TTBK1: variants seen among roughly 807,000 people sequenced by gnomAD.
TTBK1 encodes tau-tubulin kinase 1.
A neutral mutation model predicts 108.5 loss-of-function variants in TTBK1; 34 were observed. The observed-to-expected ratio is 0.31, with a 90% CI of 0.24 to 0.42. The LOEUF is 0.42. Among genes scored for constraint, TTBK1 ranks in the 10% least tolerant of loss-of-function variants. The pLI, the probability that TTBK1 is intolerant of heterozygous loss-of-function variation, is 1.00. For synonymous variants in TTBK1, 809 were observed against 795.1 expected, an observed-to-expected ratio of 1.02 and a Z score of -0.29; for missense variants, 1,539 against 1,826.0, an observed-to-expected ratio of 0.84 and a Z score of 2.86.
In TTBK1 at chr6:43,282,103, C is replaced by T. The variant is rs1778180456; in HGVS notation, c.1987-624C>T. 6.6e-6 allele frequency among the ~76,000 whole-genome samples: 1 copy of T among 152,184 alleles called. No individual in the cohort carries two copies. The highest frequency in any genetic ancestry group is 2.4e-5 in the African/African-American group (1 of 41,440). The stretch of plus-strand genomic sequence containing the variant: ...AGGATGGATTGGAGGTCGAGGGGCC[C>T]AGCCTGCACTTTTAAGGGTAGAGGA... On this transcript the variant is annotated intron_variant, in intron 13 of 14. Coordinates refer to ENST00000259750, the MANE Select transcript of TTBK1 (RefSeq NM_032538.3). This position sits in a 1 kb window ranked among gnomAD's most constrained non-coding sequence, Gnocchi z 5.4.
chr6:43,246,970 G>A (rs1219103024), intron 2 of TTBK1, among the ~76,000 whole-genome samples: 1 of 152,120 alleles, frequency 6.6e-6, no homozygotes, highest in Non-Finnish European at 1.5e-5. Context: ...CTCGAGCCCC[G>A]CCCTCTCTCA....
In TTBK1 at chr6:43,265,458, G is replaced by A. The variant is rs1169019611; in HGVS notation, c.1986+2108G>A. The stretch of plus-strand genomic sequence containing the variant: ...ACTGGGGGCTCAAAAAGTGGGGCCC[G>A]TGAGTCCTCACCCAGAGAGGCCCTA... On this transcript the variant is annotated intron_variant, in intron 13 of 14. Coordinates refer to ENST00000259750, the MANE Select transcript of TTBK1 (RefSeq NM_032538.3). The surrounding 1 kb of genome is among the most constrained non-coding windows in gnomAD (Gnocchi z 4.1). Among the ~76,000 whole-genome samples the A allele has an allele frequency of 1.3e-5, 2 of 152,206 alleles. No homozygotes were observed. The highest frequency in any genetic ancestry group is 6.5e-5 in the Admixed American group (1 of 15,292).
At chr6:43,267,892 G>T (rs1043867931) in intron 13 of TTBK1, among the ~76,000 whole-genome samples, 1 of 152,194 alleles carries the variant, frequency 6.6e-6, no homozygotes, top group Non-Finnish European at 1.5e-5. Flanking sequence ...TAGGGGCTGG[G>T]GGACAAAGAT....
rs2841657 is a variant in TTBK1 at position 43,257,468 on chromosome 6, G to C, written c.862-344G>C. 0.045 allele frequency among the ~76,000 whole-genome samples: 6,877 copies of C among 152,150 alleles called. 188 individuals are homozygous for C. Among genetic ancestry groups the C allele is most frequent in the African/African-American group, 0.083 (3,431 of 41,474 alleles). Reference sequence around the variant, plus strand: ...CAGCAGAGGGGCAGTCTGTGCAGAGGCAGCACCCCATGCATGGGTTTGGAA... The same window carrying C: ...CAGCAGAGGGGCAGTCTGTGCAGAGCCAGCACCCCATGCATGGGTTTGGAA... On this transcript the variant is annotated intron_variant, in intron 9 of 14. Transcript: ENST00000259750. The surrounding 1 kb of genome is among the most constrained non-coding windows in gnomAD (Gnocchi z 4.5).
Position 43,269,851 on chromosome 6 carries a change from C to T in TTBK1, c.1986+6501C>T. 1 of 1,534,160 alleles carries T rather than the reference C, an allele frequency of 6.5e-7. No individual in the cohort carries two copies. Among genetic ancestry groups the T allele is most frequent in the South Asian group, 1.2e-5 (1 of 84,004 alleles). On this transcript the variant is annotated intron_variant, in intron 13 of 14. Coordinates refer to ENST00000259750, the MANE Select transcript of TTBK1 (RefSeq NM_032538.3). This position sits in a 1 kb window ranked among gnomAD's most constrained non-coding sequence, Gnocchi z 4.8. ...GTGCGGGCGCCCCACCGGCGCCACG[C>T]GCCCCTCGCTGCTGGCAACCACAGA...
At position 43,270,679 on chromosome 6, in the gene TTBK1, G is replaced by A. The variant is rs551995977; in HGVS notation, c.1986+7329G>A. 124 of 985,458 alleles carry A rather than the reference G, an allele frequency of 1.3e-4. 2 individuals are homozygous for A. In the South Asian group the frequency reaches 5.4e-3, roughly 43 times the overall value. 61.0% of individuals were successfully genotyped at this position (985,458 alleles called of 1,614,324 possible). Reference sequence around the variant, plus strand: ...CACCTGTGCCATCACTCCCTGGTAGGATTGGGTGTCTGTCCTCGGCTCCTC... The same window carrying A: ...CACCTGTGCCATCACTCCCTGGTAGAATTGGGTGTCTGTCCTCGGCTCCTC... On this transcript the variant is annotated intron_variant, in intron 13 of 14. Coordinates refer to ENST00000259750, the MANE Select transcript of TTBK1 (RefSeq NM_032538.3).
intron 13 of TTBK1, chr6:43,270,812 T>A: frequency 1.0e-6 from 1 of 985,474 alleles, no homozygotes; most frequent in African/African-American, 1.7e-5. Context: ...AGGTGGTTGT[T>A]AAGGATGACG....
rs1290747886 is a variant in TTBK1 at position 43,284,274 on chromosome 6, T to C, written c.3534T>C (p.His1178=). Residue 1178 remains histidine, a synonymous_variant, in exon 14 of 15, where the codon CAT becomes CAC. Coordinates refer to ENST00000259750, the MANE Select transcript of TTBK1 (RefSeq NM_032538.3). ...CCCAGCAGCCCGCCAGCAGATCCCA[T>C]GGCGCGGCCCCAGCATTGGACACAG... The part of the protein sequence containing the change: ...VAAQQPASRS[H]GAAPALDTAI... 5 of 1,589,094 alleles carry C rather than the reference T, an allele frequency of 3.1e-6. No individual in the cohort carries two copies. The highest frequency in any genetic ancestry group is 4.3e-6 in the Non-Finnish European group (5 of 1,173,256).
chr6:43,268,515 C>T (rs1777740473), intron 13 of TTBK1, among the ~76,000 whole-genome samples: 1 of 152,216 alleles, frequency 6.6e-6, no homozygotes, highest in Non-Finnish European at 1.5e-5. Flanking sequence ...AGGCCCCCTC[C>T]TTCCTGGAGG....
In TTBK1 at chr6:43,263,167, G is replaced by C. The variant is rs746885674; in HGVS notation, c.1803G>C (p.Gln601His). Residue 601 changes from glutamine to histidine, a missense_variant, in exon 13 of 15, where the codon CAG becomes CAC. Physicochemically the swap from Gln to His is conservative, Grantham distance 24 (BLOSUM62 0). Transcript: ENST00000259750. The surrounding 1 kb of genome is among the most constrained non-coding windows in gnomAD (Gnocchi z 4.7). ...PTVRPRGRSM[Q>H]ALAEEDLQHL... ...TCCGGCCCCGGGGACGCAGCATGCA[G>C]GCGCTGGCGGAGGAGGACCTGCAGC... The C allele has an allele frequency of 3.2e-6, 5 of 1,574,906 alleles. No homozygotes were observed. Among genetic ancestry groups the C allele is most frequent in the Non-Finnish European group, 4.3e-6 (5 of 1,159,578 alleles).
chr6:43,280,748 A>C (rs1384596719), intron 13 of TTBK1, among the ~76,000 whole-genome samples: 1 of 152,204 alleles, frequency 6.6e-6, no homozygotes, highest in African/African-American at 2.4e-5. Context: ...AAAAGGGAGA[A>C]TAAGTAAATC....
rs1778179485 is a variant in TTBK1, at chr6:43,282,075, G to A, written c.1987-652G>A. Among the ~76,000 whole-genome samples, 1 of 152,252 alleles carries A rather than the reference G, an allele frequency of 6.6e-6. No individual in the cohort carries two copies. The highest frequency in any genetic ancestry group is 2.4e-5 in the African/African-American group (1 of 41,472). On this transcript the variant is annotated intron_variant, in intron 13 of 14. Coordinates refer to ENST00000259750, the MANE Select transcript of TTBK1 (RefSeq NM_032538.3). The surrounding 1 kb of genome is among the most constrained non-coding windows in gnomAD (Gnocchi z 5.4). ...TCGAGGGCTGGACAAATTCCTGGCT[G>A]AGAGGATGGATTGGAGGTCGAGGGG...
At position 43,283,134 on chromosome 6, in the gene TTBK1, C is replaced by T. The variant is rs1371068727; in HGVS notation, c.2394C>T (p.Asp798=). The part of the protein sequence containing the change: ...SSSEGSERST[D]RSQEGAPSTL... ...GTGAGGGGAGTGAGAGGAGCACTGA[C>T]CGGAGCCAGGAGGGTGCCCCGTCCA... is the stretch of plus-strand genomic sequence containing the variant. Residue 798 remains aspartate (D), a synonymous_variant, in exon 14 of 15, where the codon GAC becomes GAT. Transcript: ENST00000259750. This position sits in a 1 kb window ranked among gnomAD's most constrained non-coding sequence, Gnocchi z 8.1. 1.9e-6 allele frequency: 3 copies of T among 1,572,620 alleles called. No individual in the cohort carries two copies. In the South Asian group the frequency reaches 3.5e-5, roughly 18 times the overall value.
intron 2 of TTBK1, among the ~76,000 whole-genome samples, chr6:43,248,267 G>A (rs917934745): frequency 6.6e-6 from 1 of 152,144 alleles, no homozygotes; most frequent in Non-Finnish European, 1.5e-5. Flanking sequence ...CCCACCCCTG[G>A]AGTGTTAGAG....
Position 43,265,607 on chromosome 6 carries a change from T to A in TTBK1, c.1986+2257T>A, listed in dbSNP as rs957449084. 6.6e-6 allele frequency among the ~76,000 whole-genome samples: 1 copy of A among 152,112 alleles called. No individual in the cohort carries two copies. On this transcript the variant is annotated intron_variant, in intron 13 of 14. Transcript: ENST00000259750. The surrounding 1 kb of genome is among the most constrained non-coding windows in gnomAD (Gnocchi z 4.1). ...CCAGGCAGCAGGAGAGGGAGCAAAA[T>A]GTGTTTGGGGTCCTTGCTCCGCTCC... is the stretch of plus-strand genomic sequence containing the variant.
At position 43,269,763 on chromosome 6, in the gene TTBK1, G is replaced by T; in HGVS notation, c.1986+6413G>T. On this transcript the variant is annotated intron_variant, in intron 13 of 14. Coordinates refer to ENST00000259750, the MANE Select transcript of TTBK1 (RefSeq NM_032538.3). This position sits in a 1 kb window ranked among gnomAD's most constrained non-coding sequence, Gnocchi z 4.8. ...GGAGCATTACCCTCACCCCGGCGGC[G>T]GCGGCTCCTCGGGCTCCTCCGGTTC... 6.3e-7 allele frequency: 1 copy of T among 1,598,816 alleles called. No homozygotes were observed.
intron 2 of TTBK1, chr6:43,247,890 G>C (rs1299152581): frequency 2.0e-5 from 3 of 151,706 alleles, no homozygotes; most frequent in African/African-American, 7.3e-5. Context: ...GAGACTTCTA[G>C]GGGTCCCCAA....
rs1236268846 is a variant in TTBK1 at position 43,285,444 on chromosome 6, GAGC to G, written c.*72_*74del. Reference sequence around the variant, plus strand: ...CCCCCACCCGCAGCCGGCCACACTGGAGCAGCTCCCAGCACAGCCTTACGCGCC... The same window carrying G: ...CCCCCACCCGCAGCCGGCCACACTGGAGCTCCCAGCACAGCCTTACGCGCC... On this transcript the variant is annotated 3_prime_UTR_variant, in exon 15 of 15. Transcript: ENST00000259750. The surrounding 1 kb of genome is among the most constrained non-coding windows in gnomAD (Gnocchi z 4.7). 8.0e-7 allele frequency: 1 copy of G among 1,245,224 alleles called. No homozygotes were observed. Among genetic ancestry groups the G allele is most frequent in the Non-Finnish European group, 1.0e-6 (1 of 997,754 alleles). The allele number at this position is 1,245,224 out of a possible 1,614,324, so 77.1% of individuals were successfully genotyped here.
intron 2 of TTBK1, 29 bp downstream of exon 2, chr6:43,246,797 G>A (rs1348125662): frequency 6.3e-7 from 1 of 1,576,570 alleles, no homozygotes; most frequent in African/African-American, 1.4e-5. Flanking sequence ...GGGACAGAGG[G>A]AGGGTAGCGG....
Sources: gnomAD v4.1 joint callset for allele counts (sites outside exome capture counted in the v4.1 genomes callset) on GRCh38, gnomAD v4.1.1 for gene constraint, Gnocchi (gnomAD v3.1) non-coding constraint, MANE v1.5 for transcripts, NCBI Gene and HGNC (gene_info 2026-07-23, HGNC 2026-07-21) for gene names.